The following KIAA2012 variants were observed in gnomAD, a reference collection of about 807,000 sequenced individuals.
The protein encoded by KIAA2012 is uncharacterized protein KIAA2012.
A neutral mutation model predicts 150.6 loss-of-function variants in KIAA2012; 125 were observed. That is an observed-to-expected ratio of 0.83 (90% CI 0.72 to 0.96). The LOEUF is 0.96. KIAA2012 is among the 40% of genes least tolerant of loss of function. The probability of loss-of-function intolerance (pLI) is 0.00; values close to 1 mark genes in which losing one functional copy is unlikely to be tolerated. For missense variants in KIAA2012, 1,219 were observed against 1,354.9 expected (o/e 0.90, Z 1.57); for synonymous variants, 462 against 504.7 (o/e 0.92, Z 1.13).
chr2:202,095,325 A>G (rs1411266249), intron 4 of KIAA2012, among the ~76,000 whole-genome samples: 2 of 152,226 alleles, frequency 1.3e-5, no homozygotes, highest in South Asian at 2.1e-4. Flanking sequence ...CTTTATCTGA[A>G]GAAGTAGCAA....
intron 12 of KIAA2012, among the ~76,000 whole-genome samples, chr2:202,129,702 G>A (rs574130130): frequency 1.3e-5 from 2 of 152,084 alleles, no homozygotes; most frequent in African/African-American, 4.8e-5. Flanking sequence ...ACGGTGTGGT[G>A]GCTCATGGCT....
At chr2:202,177,994 T>A (rs944807096) in intron 15 of KIAA2012, among the ~76,000 whole-genome samples, 5 of 152,156 alleles carry the variant, frequency 3.3e-5, no homozygotes, top group Non-Finnish European at 5.9e-5. Context: ...AGTTCAGGAA[T>A]TTGAGACCAG....
chr2:202,124,821 G>A (rs1690741452), intron 11 of KIAA2012, among the ~76,000 whole-genome samples: 1 of 152,204 alleles, frequency 6.6e-6, no homozygotes, highest in Non-Finnish European at 1.5e-5. Flanking sequence ...TGTAATCCCA[G>A]CACTTTGGGA....
intron 15 of KIAA2012, among the ~76,000 whole-genome samples, chr2:202,173,678 T>G (rs1691940006): frequency 6.6e-6 from 1 of 152,226 alleles, no homozygotes; most frequent in Non-Finnish European, 1.5e-5. Flanking sequence ...CTTATATTTT[T>G]AAAAGTATTA....
intron 11 of KIAA2012, chr2:202,114,051 C>A (rs1157798281): frequency 6.6e-6 from 1 of 152,386 alleles, no homozygotes; most frequent in African/African-American, 2.4e-5. Context: ...CTGCAGCCAG[C>A]AGGCTCCTTG....
chr2:202,202,020 C>G, intron 22 of KIAA2012: 2 of 574,860 alleles, frequency 3.5e-6, no homozygotes. Flanking sequence ...GCGCTGCCGC[C>G]GCAGTTTTTG....
intron 2 of KIAA2012, among the ~76,000 whole-genome samples, chr2:202,078,918 G>A (rs981041077): frequency 3.9e-5 from 6 of 152,030 alleles, no homozygotes; most frequent in African/African-American, 7.2e-5. Flanking sequence ...ATTATTGACC[G>A]GGTGTGGTGG....
chr2:202,198,734 C>T (rs115484953), intron 22 of KIAA2012, among the ~76,000 whole-genome samples: 1 of 152,298 alleles, frequency 6.6e-6, no homozygotes, highest in African/African-American at 2.4e-5. Context: ...GAGGCACAAC[C>T]CCGAAAACCG....
In KIAA2012 at chr2:202,191,410, T is replaced by C. The variant is rs558838130; in HGVS notation, c.2811+917T>C. Among the ~76,000 whole-genome samples, 9 of 152,218 alleles carry C rather than the reference T, an allele frequency of 5.9e-5. No individual in the cohort carries two copies. In the South Asian group the frequency reaches 1.9e-3, roughly 32 times the overall value. ...ATTGCTGCAATTCGGCCGGATGCAGTGGCGCATGCCTGTAAACCCAGCACT... is the reference window on the plus strand; with the variant it reads ...ATTGCTGCAATTCGGCCGGATGCAGCGGCGCATGCCTGTAAACCCAGCACT... On this transcript the variant is annotated intron_variant, in intron 19 of 23. Coordinates refer to ENST00000498697, the MANE Select transcript of KIAA2012 (RefSeq NM_001277372.4).
intron 12 of KIAA2012, among the ~76,000 whole-genome samples, chr2:202,131,743 A>G (rs1690934292): frequency 6.6e-6 from 1 of 152,204 alleles, no homozygotes; most frequent in African/African-American, 2.4e-5. Context: ...AAAGGACAAT[A>G]TAAAGGTGAG....
At chr2:202,133,130 A>ATATATATATATATATTTTTTTTT (rs1279080237) in intron 12 of KIAA2012, among the ~76,000 whole-genome samples, 1 of 67,780 alleles carries the variant, frequency 1.5e-5, no homozygotes, top group African/African-American at 5.8e-5. Context: ...ATATATATAT[A>ATATATATATATATATTTTTTTTT]TTTTTTTTTT....
chr2:202,182,786 CAGT>C (rs796882074), intron 15 of KIAA2012, among the ~76,000 whole-genome samples: 73 of 152,258 alleles, frequency 4.8e-4, no homozygotes, highest in African/African-American at 1.5e-3. Context: ...TTCCAAACAG[CAGT>C]AGATGAGAGT....
Position 202,138,246 on chromosome 2 carries a change from T to G in KIAA2012, c.1832-186T>G, listed in dbSNP as rs1360899929. ...TTAACACTATGTTTAACATGGTGTTTAGGCTATGCCTATAGAGGTTACAGG... is the reference window on the plus strand; with the variant it reads ...TTAACACTATGTTTAACATGGTGTTGAGGCTATGCCTATAGAGGTTACAGG... On this transcript the variant is annotated intron_variant, in intron 12 of 23. Coordinates refer to ENST00000498697, the MANE Select transcript of KIAA2012 (RefSeq NM_001277372.4). 1.3e-5 allele frequency: 7 copies of G among 544,726 alleles called. No homozygotes were observed. The East Asian group carries it at 2.1e-4, about 16-fold the overall frequency. The allele number at this position is 544,726 out of a possible 1,614,324, so 33.7% of individuals were successfully genotyped here. A position where few individuals can be genotyped will look rare whatever the true frequency, so the allele number is the denominator to read the frequency against.
intron 7 of KIAA2012, among the ~76,000 whole-genome samples, chr2:202,102,597 TGA>T (rs1271322460): frequency 6.6e-6 from 1 of 152,222 alleles, no homozygotes; most frequent in Non-Finnish European, 1.5e-5. Flanking sequence ...CAGCATATGC[TGA>T]GATTTCTCCC....
At chr2:202,126,349 T>C (rs1690786690) in intron 12 of KIAA2012, among the ~76,000 whole-genome samples, 1 of 152,150 alleles carries the variant, frequency 6.6e-6, no homozygotes, top group Non-Finnish European at 1.5e-5. Flanking sequence ...TCAAGGGCTA[T>C]AGGCAAATCA....
intron 15 of KIAA2012, among the ~76,000 whole-genome samples, chr2:202,170,751 G>T (rs1020901685): frequency 6.6e-6 from 1 of 152,152 alleles, no homozygotes; most frequent in African/African-American, 2.4e-5. Flanking sequence ...ATGAAGGAAG[G>T]CATTTACGAA....
intron 13 of KIAA2012, among the ~76,000 whole-genome samples, chr2:202,141,132 A>C (rs956908032): frequency 1.3e-5 from 2 of 152,182 alleles, no homozygotes; most frequent in Non-Finnish European, 2.9e-5. Context: ...GCTTCTGCAG[A>C]GGCCCTACCG....
chr2:202,073,439 C>G lies in KIAA2012; in HGVS notation c.-189C>G. The stretch of plus-strand genomic sequence containing the variant: ...TTTTTTCTCTCCACAAAGACACACA[C>G]TGTCTAAACTGTGTGGCTGGTTGTT... On this transcript the variant is annotated 5_prime_UTR_variant, in exon 1 of 24. Coordinates refer to ENST00000498697, the MANE Select transcript of KIAA2012 (RefSeq NM_001277372.4). 1.8e-6 allele frequency: 1 copy of G among 546,806 alleles called. No individual in the cohort carries two copies. Among genetic ancestry groups the G allele is most frequent in the Non-Finnish European group, 3.3e-6 (1 of 306,676 alleles). 33.9% of individuals were successfully genotyped at this position (546,806 alleles called of 1,614,324 possible).
chr2:202,076,604 G>A (rs142451240), intron 2 of KIAA2012, among the ~76,000 whole-genome samples: 15 of 152,282 alleles, frequency 9.9e-5, no homozygotes, highest in South Asian at 6.2e-4. Context: ...GACCCTGTGC[G>A]ATATAGTTTT....
Sources: gnomAD v4.1 joint callset for allele counts (sites outside exome capture counted in the v4.1 genomes callset) on GRCh38, gnomAD v4.1.1 for gene constraint, MANE v1.5 for transcripts, NCBI Gene and HGNC (gene_info 2026-07-23, HGNC 2026-07-21) for gene names.